PROS1: variants seen among roughly 807,000 people sequenced by gnomAD.
PROS1 encodes the protein protein S, also known as vitamin K-dependent protein S.
A neutral mutation model predicts 75.9 loss-of-function variants in PROS1; 29 were observed. The observed-to-expected ratio is 0.38, with a 90% CI of 0.28 to 0.52. The LOEUF (loss-of-function observed/expected upper bound fraction) is 0.52, where lower values mean the gene tolerates loss of function less well. Ranked by LOEUF, PROS1 falls within the 20% of genes least tolerant of loss-of-function variation. The pLI is 0.83. For missense variants in PROS1, 680 were observed against 810.3 expected (o/e 0.84, Z 1.95); for synonymous variants, 245 against 280.6 (o/e 0.87, Z 1.27).
chr3:93,927,957 G>GTA lies in PROS1; in HGVS notation c.77-552_77-551dup, dbSNP rs1174657374. Among the ~76,000 whole-genome samples the GTA allele has an allele frequency of 5.3e-4, 62 of 116,054 alleles. No individual in the cohort carries two copies. In the South Asian group the frequency reaches 8.0e-3, roughly 15 times the overall value. The allele number at this position is 116,054 out of a possible 152,430, so 76.1% of individuals were successfully genotyped here. A position where few individuals can be genotyped will look rare whatever the true frequency, so the allele number is the denominator to read the frequency against. ...TATATATGTATATATATATACTTGT[G>GTA]TATATATATATGTGTGTATATATAT... On this transcript the variant is annotated intron_variant, in intron 1 of 14. Transcript: ENST00000394236.
At chr3:93,899,635 T>C (rs1436402584) in intron 7 of PROS1, among the ~76,000 whole-genome samples, 1 of 152,116 alleles carries the variant, frequency 6.6e-6, no homozygotes, top group Admixed American at 6.5e-5. Context: ...GGAATATTTT[T>C]GGTGATTGCA....
In PROS1 at chr3:93,874,341, A is replaced by G; in HGVS notation, c.1935T>C (p.Asn645=). ...CTTCATCCAGATCCAACTGTACACC[A>G]TTAATATTCACTTCCATGCAGCCAT... ...FYNGCMEVNI[N]GVQLDLDEAI... is the part of the protein sequence containing the mutation. The change falls in exon 15 of 15, where the codon AAT becomes AAC. Residue 645 remains asparagine, a synonymous_variant. Transcript: ENST00000394236. 1 of 1,613,464 alleles carries G rather than the reference A, an allele frequency of 6.2e-7. No homozygotes were observed. The highest frequency in any genetic ancestry group is 1.1e-5 in the South Asian group (1 of 91,056).
chr3:93,875,706 G>A (rs1708176252), intron 14 of PROS1, among the ~76,000 whole-genome samples: 1 of 149,672 alleles, frequency 6.7e-6, no homozygotes, highest in African/African-American at 2.5e-5. Context: ...TCTTTCTATA[G>A]CTTTTAAAGC....
At chr3:93,949,391 T>G (rs142700022) in intron 1 of PROS1, among the ~76,000 whole-genome samples, 88 of 152,284 alleles carry the variant, frequency 5.8e-4, no homozygotes, top group African/African-American at 2.1e-3. Context: ...TGATACATTA[T>G]TGGGATGGGA....
intron 1 of PROS1, among the ~76,000 whole-genome samples, chr3:93,968,654 G>C (rs1709824409): frequency 6.6e-6 from 1 of 152,022 alleles, no homozygotes; most frequent in African/African-American, 2.4e-5. Flanking sequence ...CATTCACTAG[G>C]GGATCTAACA....
At chr3:93,952,820 T>A (rs2107246153) in intron 1 of PROS1, among the ~76,000 whole-genome samples, 1 of 152,124 alleles carries the variant, frequency 6.6e-6, no homozygotes, top group Admixed American at 6.6e-5. Flanking sequence ...AACAAAATTG[T>A]TAGACCACTA....
rs569080596 is a variant in PROS1 at position 93,956,424 on chromosome 3, G to A, written c.76+17250C>T. Reference sequence around the variant, plus strand: ...AGGTAGGAGGATTGCCTAAGCCTGGGAGGCTGAGGCTGCAGTAAGCTGAGA... The same window carrying A: ...AGGTAGGAGGATTGCCTAAGCCTGGAAGGCTGAGGCTGCAGTAAGCTGAGA... On this transcript the variant is annotated intron_variant, in intron 1 of 14. Coordinates refer to ENST00000394236, the MANE Select transcript of PROS1 (RefSeq NM_000313.4). Among the ~76,000 whole-genome samples, 48 of 152,146 alleles carry A rather than the reference G, an allele frequency of 3.2e-4. 1 individual carries two copies. The highest frequency in any genetic ancestry group is 1.2e-3 in the African/African-American group (48 of 41,526).
intron 2 of PROS1, among the ~76,000 whole-genome samples, chr3:93,925,444 G>A (rs372466743): frequency 1.6e-4 from 25 of 152,098 alleles, no homozygotes; most frequent in African/African-American, 6.0e-4. Context: ...CTGGAAATGT[G>A]GACTGTGGTA....
At chr3:93,927,909 GTGTGTATATATATA>G (rs1432551328) in intron 1 of PROS1, among the ~76,000 whole-genome samples, 18 of 136,354 alleles carry the variant, frequency 1.3e-4, no homozygotes, top group South Asian at 4.7e-4. Context: ...ATGTGTGTGT[GTGTGTATATATATA>G]TGTGTATATA....
intron 10 of PROS1, among the ~76,000 whole-genome samples, chr3:93,890,359 A>T (rs1708414893): frequency 6.6e-6 from 1 of 152,162 alleles, no homozygotes; most frequent in African/African-American, 2.4e-5. Context: ...CTTTATCAGT[A>T]GTTTCTGATT....
chr3:93,879,370 A>T, intron 12 of PROS1, 56 bp from the exon 13 acceptor site: 1 of 1,568,348 alleles, frequency 6.4e-7, no homozygotes. Flanking sequence ...GTGCATCAGA[A>T]GGAATTATTA....
intron 7 of PROS1, among the ~76,000 whole-genome samples, chr3:93,899,151 T>C (rs901385404): frequency 6.6e-6 from 1 of 151,818 alleles, no homozygotes; most frequent in African/African-American, 2.4e-5. Flanking sequence ...AATATCTGTT[T>C]TTTTTTTTTT....
intron 12 of PROS1, among the ~76,000 whole-genome samples, chr3:93,883,548 T>G (rs1433715411): frequency 6.6e-6 from 1 of 151,252 alleles, no homozygotes; most frequent in Non-Finnish European, 1.5e-5. Context: ...GAGCCGAGAT[T>G]GTGGCACTGA....
At chr3:93,945,275 A>T (rs1709367115) in intron 1 of PROS1, among the ~76,000 whole-genome samples, 1 of 152,196 alleles carries the variant, frequency 6.6e-6, no homozygotes, top group Non-Finnish European at 1.5e-5. Flanking sequence ...CAATCAATAG[A>T]AAAAGAGGGA....
chr3:93,966,809 C>CAA (rs752321696), intron 1 of PROS1, among the ~76,000 whole-genome samples: 13 of 76,530 alleles, frequency 1.7e-4, no homozygotes, highest in Admixed American at 8.9e-4. Context: ...GACTCTGTTC[C>CAA]AAAAAAAAAA....
intron 6 of PROS1, among the ~76,000 whole-genome samples, chr3:93,902,977 C>G (rs1402757893): frequency 6.6e-6 from 1 of 151,956 alleles, no homozygotes; most frequent in Non-Finnish European, 1.5e-5. Context: ...CGCTATTCTC[C>G]TGCCTCAGCC....
chr3:93,939,872 C>A (rs969297450), intron 1 of PROS1, among the ~76,000 whole-genome samples: 8 of 152,266 alleles, frequency 5.3e-5, no homozygotes, highest in Non-Finnish European at 1.0e-4. Flanking sequence ...TCAAACCCCA[C>A]AACAGGACTT....
At chr3:93,969,726 C>A (rs1229667314) in intron 1 of PROS1, among the ~76,000 whole-genome samples, 1 of 152,162 alleles carries the variant, frequency 6.6e-6, no homozygotes, top group Non-Finnish European at 1.5e-5. Context: ...CATTCAGTAG[C>A]CTTCCAATAA....
At chr3:93,910,102 C>T (rs538864508) in intron 4 of PROS1, among the ~76,000 whole-genome samples, 8 of 152,188 alleles carry the variant, frequency 5.3e-5, no homozygotes, top group African/African-American at 1.9e-4. Flanking sequence ...GTGATTGCAC[C>T]ATTTGCTTTT....
Sources: gnomAD v4.1 joint callset for allele counts (sites outside exome capture counted in the v4.1 genomes callset) on GRCh38, gnomAD v4.1.1 for gene constraint, MANE v1.5 for transcripts, NCBI Gene and HGNC (gene_info 2026-07-23, HGNC 2026-07-21) for gene names.